NLRP7: variants seen among roughly 807,000 people sequenced by gnomAD.
NLRP7 encodes NLR family pyrin domain containing 7, also known as NACHT, LRR and PYD domains-containing protein 7.
In NLRP7, 72 loss-of-function variants were observed where a neutral mutation model predicts 85.5. The ratio of observed to expected loss-of-function variants is 0.84; its 90% CI spans 0.70 to 1.02. The LOEUF is 1.02. NLRP7 is among the 50% of genes least tolerant of loss of function. The probability of loss-of-function intolerance (pLI) is 0.00; values close to 1 mark genes in which losing one functional copy is unlikely to be tolerated. For synonymous variants in NLRP7, 550 were observed against 505.2 expected (o/e 1.09, Z -1.19); for missense variants, 1,243 against 1,219.5 (o/e 1.02, Z -0.29).
intron 1 of NLRP7, among the ~76,000 whole-genome samples, chr19:54,961,298 G>A (rs992217522): frequency 2.6e-5 from 4 of 151,746 alleles, no homozygotes; most frequent in Non-Finnish European, 4.4e-5. Flanking sequence ...ATCACCCGAG[G>A]TCAGGAGTCC....
chr19:54,947,937 C>A (rs1336245596), upstream of NLRP7: 2 of 266,180 alleles, frequency 7.5e-6, no homozygotes, highest in African/African-American at 4.5e-5. Flanking sequence ...GTTACAAATA[C>A]AATAAGTCTA....
At chr19:54,963,685 A>G (rs933047697) in intron 1 of NLRP7, among the ~76,000 whole-genome samples, 3 of 151,658 alleles carry the variant, frequency 2.0e-5, no homozygotes, top group African/African-American at 7.3e-5. Context: ...TTAGCCGGGT[A>G]CAGTGGCACG....
At chr19:54,952,219 T>A (rs899946621), upstream of NLRP7, among the ~76,000 whole-genome samples, 8 of 151,872 alleles carry the variant, frequency 5.3e-5, no homozygotes, top group Non-Finnish European at 1.2e-4. Context: ...GGGATCAGCA[T>A]GAGAACACTG....
At chr19:54,955,102 C>T (rs2069808871) in intron 1 of NLRP7, among the ~76,000 whole-genome samples, 1 of 152,086 alleles carries the variant, frequency 6.6e-6, no homozygotes, top group Non-Finnish European at 1.5e-5. Context: ...CCAAGGCTGG[C>T]GGATCACCTG....
Position 54,936,250 on chromosome 19 carries a change from G to C in NLRP7, c.2300+11C>G, listed in dbSNP as rs370178971. ...CCAGGTGCTGGGGAGAGCCGTGACC[G>C]TGAGACCCACCTCAGGTACTGCAGG... On this transcript the variant is annotated intron_variant, in intron 6 of 9. Coordinates refer to ENST00000340844, the Ensembl canonical transcript of NLRP7. 7.4e-6 allele frequency: 12 copies of C among 1,611,440 alleles called. No individual in the cohort carries two copies. In the East Asian group the frequency reaches 2.7e-4, roughly 36 times the overall value.
At chr19:54,953,558 G>C (rs1483573629) in intron 1 of NLRP7, among the ~76,000 whole-genome samples, 5 of 148,904 alleles carry the variant, frequency 3.4e-5, no homozygotes, top group Non-Finnish European at 5.9e-5. Context: ...CCTGGGCCGC[G>C]GGGCTGTCTG....
chr19:54,937,324 C>G (rs1442948941), intron 5 of NLRP7, among the ~76,000 whole-genome samples: 1 of 151,804 alleles, frequency 6.6e-6, no homozygotes, highest in Non-Finnish European at 1.5e-5. Flanking sequence ...TCCTATGACA[C>G]ACGGTTACCT....
At chr19:54,930,562 G>A (rs2068633695) in exon 9 of NLRP7, 1 of 1,612,250 alleles carries the variant, frequency 6.2e-7, no homozygotes, top group South Asian at 1.1e-5. Flanking sequence ...CAATCCACGA[G>A]CTATCTGGTT....
rs2043308 is a variant in NLRP7, at chr19:54,934,053, G to C, written c.2472-314C>G. 0.29 allele frequency among the ~76,000 whole-genome samples: 44,211 copies of C among 152,086 alleles called. 6,817 individuals are homozygous for C. The highest frequency in any genetic ancestry group is 0.4 in the East Asian group (2,081 of 5,154). ...CCGCCTCCCAGGTTTACACCATTCT[G>C]CTGACTCAGCCTCCTGAGTAGCTGG... On this transcript the variant is annotated intron_variant, in intron 7 of 9. Coordinates refer to ENST00000340844, the Ensembl canonical transcript of NLRP7. The surrounding 1 kb of genome is among the most constrained non-coding windows in gnomAD (Gnocchi z 6.7).
intron 8 of NLRP7, among the ~76,000 whole-genome samples, chr19:54,931,876 C>G (rs573389080): frequency 1.3e-5 from 2 of 151,542 alleles, no homozygotes; most frequent in East Asian, 3.9e-4. Flanking sequence ...AAATGGCCTT[C>G]TGATTCCATC....
At chr19:54,946,861 A>G (rs2069498620) in intron 1 of NLRP7, among the ~76,000 whole-genome samples, 1 of 152,060 alleles carries the variant, frequency 6.6e-6, no homozygotes, top group Admixed American at 6.6e-5. Context: ...GCTGGTCTCA[A>G]ACTTCTGGCC....
At chr19:54,923,938 ATC>A (rs1227741350) in intron 9 of NLRP7, 66 bp from the exon 11 acceptor site, 309 of 1,549,116 alleles carry the variant, frequency 2.0e-4, no homozygotes, top group Non-Finnish European at 2.7e-4. Flanking sequence ...ATGCCTGAAT[ATC>A]TGTTTTCAAA....
Position 54,941,073 on chromosome 19 carries a change from T to TA in NLRP7, c.278-69dup, listed in dbSNP as rs2069199973. ...TTCGTAAATCAGACATTATTGTACATAAAGTGTCAGCCAGGCATGGTGGCT... is the reference window on the plus strand; with the variant it reads ...TTCGTAAATCAGACATTATTGTACATAAAAGTGTCAGCCAGGCATGGTGGCT... On this transcript the variant is annotated intron_variant, in intron 2 of 9. Coordinates refer to ENST00000340844, the Ensembl canonical transcript of NLRP7. 54 of 1,200,766 alleles carry TA rather than the reference T, an allele frequency of 4.5e-5. 1 individual carries two copies. In the South Asian group the frequency reaches 6.5e-4, roughly 15 times the overall value. 74.4% of individuals were successfully genotyped at this position (1,200,766 alleles called of 1,614,324 possible).
chr19:54,952,965 G>A (rs527924767), intron 1 of NLRP7, among the ~76,000 whole-genome samples: 13 of 152,006 alleles, frequency 8.6e-5, no homozygotes, highest in African/African-American at 2.4e-4. Context: ...GTGAAACCCC[G>A]TCTCTACTGA....
In NLRP7 at chr19:54,928,169, C is replaced by A. The variant is rs534059; in HGVS notation, c.2810+2330G>T. 0.55 allele frequency among the ~76,000 whole-genome samples: 84,104 copies of A among 151,632 alleles called. 23,530 individuals are homozygous for A. Among genetic ancestry groups the A allele is most frequent in the East Asian group, 0.72 (3,681 of 5,140 alleles). On this transcript the variant is annotated intron_variant, in intron 9 of 9. Coordinates refer to ENST00000340844, the Ensembl canonical transcript of NLRP7. ...TGGGAGGCGGAGGTTACAGTGAGCC[C>A]AGATTGCGCCACTGCACTCCAGCCT...
chr19:54,947,733 G>A (rs1403939537), upstream of NLRP7: 6 of 1,043,656 alleles, frequency 5.7e-6, no homozygotes, highest in East Asian at 5.9e-5. Flanking sequence ...AATCTCCCCA[G>A]GTGAGATTAA....
chr19:54,950,032 A>C (rs11665684), upstream of NLRP7, among the ~76,000 whole-genome samples: 58 of 151,832 alleles, frequency 3.8e-4, 1 homozygote, highest in African/African-American at 1.2e-3. Context: ...AACGCAGGAG[A>C]CAGAGGCTGC....
At position 54,926,793 on chromosome 19, in the gene NLRP7, G is replaced by A. The variant is rs2068457069; in HGVS notation, c.2811-2921C>T. On this transcript the variant is annotated intron_variant, in intron 9 of 9. Transcript: ENST00000340844. ...TAGCTGGGTGTGGTGGCGAGCGACT[G>A]TAATCCTAGCTACTCAGGAGGCTGA... 2.0e-5 allele frequency among the ~76,000 whole-genome samples: 3 copies of A among 151,746 alleles called. No individual in the cohort carries two copies. The South Asian group carries it at 6.2e-4, about 32-fold the overall frequency.
chr19:54,937,255 A>G (rs1340130834), intron 5 of NLRP7, among the ~76,000 whole-genome samples: 1 of 151,976 alleles, frequency 6.6e-6, no homozygotes, highest in South Asian at 2.1e-4. Context: ...GGATCAGGAA[A>G]AACAACTAAG....
Sources: gnomAD v4.1 joint callset for allele counts (sites outside exome capture counted in the v4.1 genomes callset) on GRCh38, gnomAD v4.1.1 for gene constraint, Gnocchi (gnomAD v3.1) non-coding constraint, MANE v1.5 for transcripts, NCBI Gene and HGNC (gene_info 2026-07-23, HGNC 2026-07-21) for gene names.